COX7B2: variants seen among roughly 807,000 people sequenced by gnomAD.
COX7B2 encodes cytochrome c oxidase subunit 7B2, mitochondrial.
For missense variants in COX7B2, 109 were observed against 95.9 expected, an observed-to-expected ratio of 1.14 and a Z score of -0.57; for synonymous variants, 37 against 32.1, an observed-to-expected ratio of 1.15 and a Z score of -0.51.
chr4:46,765,538 C>G (rs1416619658), intron 2 of COX7B2, among the ~76,000 whole-genome samples: 1 of 152,148 alleles, frequency 6.6e-6, no homozygotes, highest in Non-Finnish European at 1.5e-5. Context: ...CTTTCTCCAG[C>G]TCTAGGCAAG....
chr4:46,770,600 G>A (rs992153887), intron 2 of COX7B2, among the ~76,000 whole-genome samples: 1 of 151,774 alleles, frequency 6.6e-6, no homozygotes, highest in Non-Finnish European at 1.5e-5. Flanking sequence ...AATCAAAATA[G>A]TATGGCCCTG....
intron 2 of COX7B2, among the ~76,000 whole-genome samples, chr4:46,837,890 T>C (rs1026527930): frequency 4.7e-4 from 72 of 151,890 alleles, no homozygotes; most frequent in African/African-American, 1.7e-3. Context: ...AATTTACAAA[T>C]GAAGAAAGAT....
At chr4:46,867,075 C>T (rs1394032356) in intron 1 of COX7B2, among the ~76,000 whole-genome samples, 2 of 152,162 alleles carry the variant, frequency 1.3e-5, no homozygotes, top group South Asian at 4.1e-4. Flanking sequence ...AAGTTTGTGT[C>T]TTCCAGATTA....
chr4:46,850,733 G>C (rs1220851849), intron 1 of COX7B2, among the ~76,000 whole-genome samples: 2 of 152,008 alleles, frequency 1.3e-5, no homozygotes, highest in Admixed American at 6.6e-5. Flanking sequence ...CTTCACTACT[G>C]TACATAGGTC....
Position 46,884,883 on chromosome 4 carries a change from C to CT in COX7B2, c.-105+24276dup, listed in dbSNP as rs112432697. Reference sequence around the variant, plus strand: ...TCAAACAATCTATTTGATCTGTTTGCTTTTTTTTTTTTATTATGCTAGCAT... The same window carrying CT: ...TCAAACAATCTATTTGATCTGTTTGCTTTTTTTTTTTTTATTATGCTAGCAT... On this transcript the variant is annotated intron_variant, in intron 1 of 2. Coordinates refer to ENST00000355591, the MANE Select transcript of COX7B2 (RefSeq NM_130902.3). Among the ~76,000 whole-genome samples, 1,291 of 141,592 alleles carry CT rather than the reference C, an allele frequency of 9.1e-3. 48 individuals are homozygous for CT. The highest frequency in any genetic ancestry group is 0.059 in the Admixed American group (840 of 14,244). 92.9% of individuals were successfully genotyped at this position (141,592 alleles called of 152,430 possible).
At chr4:46,888,261 C>A (rs1435175812) in intron 1 of COX7B2, among the ~76,000 whole-genome samples, 1 of 152,068 alleles carries the variant, frequency 6.6e-6, no homozygotes, top group African/African-American at 2.4e-5. Context: ...GACTTCAGTC[C>A]TTTACGATTA....
chr4:46,810,893 G>C (rs1002302849), intron 2 of COX7B2, among the ~76,000 whole-genome samples: 1 of 152,096 alleles, frequency 6.6e-6, no homozygotes, highest in Non-Finnish European at 1.5e-5. Flanking sequence ...CTTTATTTCT[G>C]AAAGACAGCT....
At chr4:46,866,224 C>A (rs1005844668) in intron 1 of COX7B2, among the ~76,000 whole-genome samples, 2 of 152,160 alleles carry the variant, frequency 1.3e-5, no homozygotes, top group African/African-American at 2.4e-5. Flanking sequence ...AAGTATCCCC[C>A]CTTCTGGAAA....
intron 2 of COX7B2, among the ~76,000 whole-genome samples, chr4:46,769,972 T>C (rs1184547462): frequency 6.6e-5 from 10 of 152,076 alleles, no homozygotes; most frequent in Non-Finnish European, 1.5e-5. Context: ...GCCATTTCTA[T>C]CCTACACAGT....
chr4:46,797,111 A>T (rs898583625), intron 2 of COX7B2, among the ~76,000 whole-genome samples: 1 of 134,370 alleles, frequency 7.4e-6, no homozygotes, highest in African/African-American at 2.7e-5. Flanking sequence ...AAAAAAAAAA[A>T]AAAAAAAAAA....
chr4:46,767,099 C>T, intron 2 of COX7B2, among the ~76,000 whole-genome samples: 1 of 152,250 alleles, frequency 6.6e-6, no homozygotes, highest in East Asian at 1.9e-4. Context: ...AGATCCAACT[C>T]TGTGCTGCCT....
At chr4:46,871,579 C>A (rs1161079727) in intron 1 of COX7B2, among the ~76,000 whole-genome samples, 1 of 151,564 alleles carries the variant, frequency 6.6e-6, no homozygotes, top group African/African-American at 2.4e-5. Flanking sequence ...TATTTGCAAA[C>A]TATGCATCTG....
chr4:46,855,623 C>CA lies in COX7B2; in HGVS notation c.-104-10610dup, dbSNP rs936872198. On this transcript the variant is annotated intron_variant, in intron 1 of 2. Transcript: ENST00000355591. Reference sequence around the variant, plus strand: ...TGTGATACTCTGATTTACAGATTGACAAAAAAAACTAAAAAAAAGCATGTA... The same window carrying CA: ...TGTGATACTCTGATTTACAGATTGACAAAAAAAAACTAAAAAAAAGCATGTA... 1.3e-4 allele frequency among the ~76,000 whole-genome samples: 20 copies of CA among 150,254 alleles called. No homozygotes were observed. The South Asian group carries it at 2.5e-3, about 19-fold the overall frequency.
At chr4:46,877,010 G>A (rs1718383655) in intron 1 of COX7B2, among the ~76,000 whole-genome samples, 1 of 150,926 alleles carries the variant, frequency 6.6e-6, no homozygotes, top group South Asian at 2.2e-4. Context: ...ACAATGTTAA[G>A]TTTTTGAACT....
intron 2 of COX7B2, among the ~76,000 whole-genome samples, chr4:46,758,365 A>G (rs1425307475): frequency 6.6e-6 from 1 of 152,136 alleles, no homozygotes; most frequent in Non-Finnish European, 1.5e-5. Context: ...TCAACTAACC[A>G]TTATTTCAGC....
intron 1 of COX7B2, among the ~76,000 whole-genome samples, chr4:46,896,062 G>A (rs975346451): frequency 1.3e-5 from 2 of 152,130 alleles, no homozygotes; most frequent in Admixed American, 6.6e-5. Flanking sequence ...ACAAGTATCC[G>A]AACATAAGCT....
intron 2 of COX7B2, among the ~76,000 whole-genome samples, chr4:46,790,418 G>A (rs1717976213): frequency 6.6e-6 from 1 of 152,074 alleles, no homozygotes; most frequent in South Asian, 2.1e-4. Context: ...ATATGTTTTT[G>A]AGCAATAAGT....
At chr4:46,742,167 T>A (rs1459053624) in intron 2 of COX7B2, among the ~76,000 whole-genome samples, 2 of 152,100 alleles carry the variant, frequency 1.3e-5, no homozygotes, top group Non-Finnish European at 2.9e-5. Context: ...TTAAAAACAT[T>A]AAAAGCATTA....
chr4:46,802,311 T>C (rs995102747), intron 2 of COX7B2, among the ~76,000 whole-genome samples: 1 of 152,078 alleles, frequency 6.6e-6, no homozygotes, highest in Non-Finnish European at 1.5e-5. Context: ...GGCTAATCGT[T>C]TAAAGGAAAT....
Sources: allele counts gnomAD v4.1 joint callset (sites outside exome capture counted in the v4.1 genomes callset), GRCh38; gene constraint gnomAD v4.1.1; transcripts MANE v1.5; gene names NCBI Gene and HGNC (gene_info 2026-07-23, HGNC 2026-07-21).